Variants in DPP6 observed in about 807,000 individuals in gnomAD.
DPP6 encodes the protein dipeptidyl peptidase like 6, also known as A-type potassium channel modulatory protein DPP6.
A neutral mutation model predicts 122.6 loss-of-function variants in DPP6; 69 were observed. The ratio of observed to expected loss-of-function variants is 0.56; its 90% CI spans 0.46 to 0.69. The LOEUF is 0.69. DPP6 is among the 30% of genes least tolerant of loss of function. The probability of loss-of-function intolerance (pLI) is 0.00; values close to 1 mark genes in which losing one functional copy is unlikely to be tolerated. For missense variants in DPP6, 928 were observed against 1,116.9 expected, an observed-to-expected ratio of 0.83 and a Z score of 2.41; for synonymous variants, 418 against 433.1, an observed-to-expected ratio of 0.97 and a Z score of 0.43.
At chr7:154,779,288 C>G (rs181520043) in intron 10 of DPP6, among the ~76,000 whole-genome samples, 1 of 72,072 alleles carries the variant, frequency 1.4e-5, no homozygotes, top group Non-Finnish European at 3.7e-5. Context: ...CACCACCACC[C>G]CCACTACTAT....
chr7:154,090,355 A>C (rs1206066646), intron 1 of DPP6, among the ~76,000 whole-genome samples: 1 of 152,150 alleles, frequency 6.6e-6, no homozygotes, highest in African/African-American at 2.4e-5. Context: ...TCCACAAACA[A>C]AGGTTCAGGT....
intron 5 of DPP6, among the ~76,000 whole-genome samples, chr7:154,574,798 GTGTTT>G: frequency 1.0e-5 from 1 of 96,330 alleles, no homozygotes; most frequent in African/African-American, 4.6e-5. Flanking sequence ...TGTGTGGTGT[GTGTTT>G]GTGTGTGTGA....
intron 8 of DPP6, among the ~76,000 whole-genome samples, chr7:154,745,174 G>T (rs1285259320): frequency 3.3e-5 from 5 of 152,182 alleles, no homozygotes; most frequent in Non-Finnish European, 5.9e-5. Flanking sequence ...GACTCACCAG[G>T]ATCTGCCCTC....
At chr7:154,632,498 G>A (rs184421666) in intron 5 of DPP6, among the ~76,000 whole-genome samples, 1 of 152,326 alleles carries the variant, frequency 6.6e-6, no homozygotes, top group East Asian at 1.9e-4. Flanking sequence ...CTTACTGAGT[G>A]CATGATGGAG....
At chr7:154,357,655 T>A (rs969317497) in intron 1 of DPP6, among the ~76,000 whole-genome samples, 3 of 152,144 alleles carry the variant, frequency 2.0e-5, no homozygotes, top group African/African-American at 7.2e-5. Flanking sequence ...AGCAAAGATA[T>A]CTTTTAGCTG....
At chr7:154,199,820 C>T (rs775186305) in intron 1 of DPP6, among the ~76,000 whole-genome samples, 6 of 152,016 alleles carry the variant, frequency 3.9e-5, no homozygotes, top group Non-Finnish European at 7.4e-5. Flanking sequence ...GTTGGTCAGG[C>T]TAGTGTCTAA....
At chr7:154,541,896 G>A (rs1291011162) in intron 4 of DPP6, among the ~76,000 whole-genome samples, 1 of 152,198 alleles carries the variant, frequency 6.6e-6, no homozygotes, top group East Asian at 1.9e-4. Flanking sequence ...GAGCATTCAG[G>A]TGGTGTCCCA....
intron 3 of DPP6, among the ~76,000 whole-genome samples, chr7:154,529,824 TAGATCAATATCCA>T (rs1457029619): frequency 1.1e-4 from 16 of 152,234 alleles, no homozygotes; most frequent in African/African-American, 2.9e-4. Flanking sequence ...GATTAAATGA[TAGATCAATATCCA>T]AGGTGAGGCT....
At chr7:154,203,051 C>T (rs1799253899) in intron 1 of DPP6, among the ~76,000 whole-genome samples, 8 of 152,180 alleles carry the variant, frequency 5.3e-5, no homozygotes, top group Admixed American at 5.2e-4. Context: ...TTGCCGCTTA[C>T]TAGGTGGTGA....
chr7:154,727,732 G>T (rs1218151040), intron 7 of DPP6, 35 bp from the exon 8 acceptor site: 2 of 1,571,878 alleles, frequency 1.3e-6, no homozygotes, highest in Non-Finnish European at 1.7e-6. Context: ...CCACTTCCTT[G>T]CTTAATATTA....
intron 1 of DPP6, among the ~76,000 whole-genome samples, chr7:153,980,432 T>C (rs1277223719): frequency 3.3e-5 from 5 of 152,206 alleles, no homozygotes; most frequent in Admixed American, 3.3e-4. Context: ...TTGATTCTTT[T>C]TTCTTTTCTT....
chr7:154,790,391 C>G (rs56222243), intron 10 of DPP6, among the ~76,000 whole-genome samples: 1 of 152,184 alleles, frequency 6.6e-6, no homozygotes, highest in Non-Finnish European at 1.5e-5. Flanking sequence ...AGGCAAAGAA[C>G]TGCCCAAAAT....
chr7:154,096,803 A>G (rs1037491328), intron 1 of DPP6, among the ~76,000 whole-genome samples: 5 of 152,264 alleles, frequency 3.3e-5, no homozygotes, highest in Non-Finnish European at 7.3e-5. Flanking sequence ...AATGATTTCT[A>G]GTTTATCCTT....
At chr7:154,260,671 A>G (rs900687504) in intron 1 of DPP6, among the ~76,000 whole-genome samples, 1 of 147,850 alleles carries the variant, frequency 6.8e-6, no homozygotes. Context: ...CTTCGTATAT[A>G]TATATAATAC....
At chr7:154,715,907 C>T (rs544504399) in intron 7 of DPP6, among the ~76,000 whole-genome samples, 3 of 152,286 alleles carry the variant, frequency 2.0e-5, no homozygotes, top group African/African-American at 7.2e-5. Flanking sequence ...TGACTTCCTT[C>T]TCCAAACCTT....
At chr7:154,707,809 G>T (rs1304345763) in intron 7 of DPP6, among the ~76,000 whole-genome samples, 2 of 152,192 alleles carry the variant, frequency 1.3e-5, no homozygotes, top group East Asian at 3.8e-4. Context: ...AAGGAGAAAT[G>T]AAAGCACGTC....
intron 1 of DPP6, among the ~76,000 whole-genome samples, chr7:154,219,581 CT>C (rs562114358): frequency 7.9e-4 from 117 of 147,978 alleles, no homozygotes; most frequent in African/African-American, 1.9e-3. Flanking sequence ...TGCTTGCCTA[CT>C]TTTTTTTTTT....
At chr7:154,660,270 C>T (rs1381022654) in intron 6 of DPP6, among the ~76,000 whole-genome samples, 1 of 41,276 alleles carries the variant, frequency 2.4e-5, no homozygotes, top group African/African-American at 4.7e-5. Flanking sequence ...GCGTATTGGC[C>T]GTAGTGTTCA....
intron 1 of DPP6, among the ~76,000 whole-genome samples, chr7:154,300,432 C>T (rs180761890): frequency 1.3e-5 from 2 of 152,356 alleles, no homozygotes; most frequent in Admixed American, 1.3e-4. Context: ...TGTGCTCCAT[C>T]AAATTGCAAT....
Sources: gnomAD v4.1 joint callset for allele counts (sites outside exome capture counted in the v4.1 genomes callset) on GRCh38, gnomAD v4.1.1 for gene constraint, MANE v1.5 for transcripts, NCBI Gene and HGNC (gene_info 2026-07-23, HGNC 2026-07-21) for gene names.